PC: variants seen among roughly 807,000 people sequenced by gnomAD.
PC encodes pyruvate carboxylase, also known as pyruvate carboxylase, mitochondrial.
Under a neutral mutation model 107.8 loss-of-function variants are expected in PC, and 46 were observed. The ratio of observed to expected loss-of-function variants is 0.43; its 90% CI spans 0.34 to 0.55. The LOEUF is 0.55. PC is among the 20% of genes least tolerant of loss of function. The pLI, the probability that PC is intolerant of heterozygous loss-of-function variation, is 0.04. For missense variants in PC, 1,241 were observed against 1,643.1 expected, an observed-to-expected ratio of 0.76 and a Z score of 4.23; for synonymous variants, 662 against 684.7, an observed-to-expected ratio of 0.97 and a Z score of 0.52.
intron 3 of PC, among the ~76,000 whole-genome samples, chr11:66,890,036 T>G (rs1316196451): frequency 1.3e-5 from 2 of 152,228 alleles, no homozygotes; most frequent in Non-Finnish European, 2.9e-5. Flanking sequence ...AATGAGGGAC[T>G]GCTATTGCCT....
intron 3 of PC, among the ~76,000 whole-genome samples, chr11:66,905,057 A>G (rs1364540644): frequency 1.3e-5 from 2 of 152,266 alleles, no homozygotes; most frequent in Non-Finnish European, 2.9e-5. Context: ...CATCAGAGGT[A>G]TCAAGTGTTT....
intron 3 of PC, among the ~76,000 whole-genome samples, chr11:66,925,352 C>G (rs1258687260): frequency 6.6e-6 from 1 of 152,042 alleles, no homozygotes; most frequent in Non-Finnish European, 1.5e-5. Context: ...CGGCTGCCCC[C>G]GAAGCGGCCA....
rs762107008 is a variant in PC, at chr11:66,858,512, G to C, written c.1369-5129C>G. The C allele has an allele frequency of 9.8e-6, 15 of 1,535,620 alleles. No homozygotes were observed. The highest frequency in any genetic ancestry group is 1.7e-4 in the Middle Eastern group (1 of 5,978). On this transcript the variant is annotated intron_variant, in intron 12 of 22. Transcript: ENST00000393960. This position sits in a 1 kb window ranked among gnomAD's most constrained non-coding sequence, Gnocchi z 5.9. ...TGGCGCGGCCGGACGACCTGGAAAC[G>C]TGCGCCTCCCCGCCCGGCCTGGCCG...
chr11:66,899,768 C>T (rs915284472), intron 3 of PC, among the ~76,000 whole-genome samples: 7 of 152,312 alleles, frequency 4.6e-5, no homozygotes, highest in South Asian at 2.1e-4. Flanking sequence ...ATTCTGATGA[C>T]GTACAGTTCA....
chr11:66,863,664 G>T, intron 12 of PC, 110 bp downstream of exon 12: 1 of 1,182,342 alleles, frequency 8.5e-7, no homozygotes, highest in Non-Finnish European at 1.2e-6. Flanking sequence ...CCATCAGTCA[G>T]GGGCAAGGCT....
intron 3 of PC, among the ~76,000 whole-genome samples, chr11:66,915,230 T>C (rs1948437504): frequency 6.6e-6 from 1 of 152,126 alleles, no homozygotes; most frequent in African/African-American, 2.4e-5. Context: ...CTCTGAAACC[T>C]GCCTAAGGTT....
chr11:66,905,791 C>T (rs1948145396), intron 3 of PC, among the ~76,000 whole-genome samples: 1 of 152,044 alleles, frequency 6.6e-6, no homozygotes, highest in Non-Finnish European at 1.5e-5. Context: ...GCCCACAAGC[C>T]CAGCTCCGGC....
chr11:66,858,355 G>A lies in PC; in HGVS notation c.1369-4972C>T, dbSNP rs761099728. The stretch of plus-strand genomic sequence containing the variant: ...TCCCGCCTGGACCTCACCTCCAACC[G>A]CCTGGCCACGCTGGCTCCGGACCCG... On this transcript the variant is annotated intron_variant, in intron 12 of 22. Coordinates refer to ENST00000393960, the MANE Select transcript of PC (RefSeq NM_001040716.2). This position sits in a 1 kb window ranked among gnomAD's most constrained non-coding sequence, Gnocchi z 5.9. 6.3e-6 allele frequency: 10 copies of A among 1,597,202 alleles called. No individual in the cohort carries two copies. The highest frequency in any genetic ancestry group is 8.5e-6 in the Non-Finnish European group (10 of 1,175,480).
At chr11:66,933,723 C>T (rs1948922092) in intron 3 of PC, among the ~76,000 whole-genome samples, 6 of 152,100 alleles carry the variant, frequency 3.9e-5, no homozygotes, top group Admixed American at 3.9e-4. Context: ...CCACTTGCAT[C>T]ATTCCGGAAT....
intron 3 of PC, among the ~76,000 whole-genome samples, chr11:66,950,067 A>G (rs1949401240): frequency 6.6e-6 from 1 of 152,228 alleles, no homozygotes. Context: ...TAATATTAAT[A>G]CATTTCACAT....
chr11:66,873,521 T>TATA (rs10676576), intron 3 of PC, among the ~76,000 whole-genome samples: 81,737 of 85,198 alleles, frequency 0.96, 39,293 homozygotes, highest in Middle Eastern at 1. Context: ...TATTATATTA[T>TATA]ATATTATAAT....
At chr11:66,874,543 C>T (rs1946901232) in intron 3 of PC, among the ~76,000 whole-genome samples, 1 of 151,706 alleles carries the variant, frequency 6.6e-6, no homozygotes, top group African/African-American at 2.4e-5. Flanking sequence ...GAAATAAAGA[C>T]AGAAGAAAAA....
At chr11:66,907,175 T>A (rs1301688675) in intron 3 of PC, among the ~76,000 whole-genome samples, 1 of 152,146 alleles carries the variant, frequency 6.6e-6, no homozygotes, top group Admixed American at 6.5e-5. Flanking sequence ...CATGCAAGGG[T>A]GTTCTGGCCC....
chr11:66,941,395 T>C (rs2136132486), intron 3 of PC, among the ~76,000 whole-genome samples: 1 of 152,244 alleles, frequency 6.6e-6, no homozygotes, highest in East Asian at 1.9e-4. Context: ...CCCATATTCA[T>C]GGAAGCATTA....
At chr11:66,888,971 C>T (rs867807224) in intron 3 of PC, among the ~76,000 whole-genome samples, 4 of 152,054 alleles carry the variant, frequency 2.6e-5, no homozygotes, top group East Asian at 3.9e-4. Flanking sequence ...CTACTCAGGA[C>T]GCTGAGGCAG....
intron 3 of PC, among the ~76,000 whole-genome samples, chr11:66,941,205 T>C (rs114935652): frequency 0.025 from 3,754 of 151,676 alleles, 153 homozygotes; most frequent in African/African-American, 0.085. Flanking sequence ...AAAGTGTTGG[T>C]GAGGATGTGG....
intron 3 of PC, among the ~76,000 whole-genome samples, chr11:66,891,009 T>G (rs1947555301): frequency 6.6e-6 from 1 of 152,152 alleles, no homozygotes; most frequent in Non-Finnish European, 1.5e-5. Context: ...CTCTAGGACA[T>G]ATACCTAGAA....
At chr11:66,890,207 T>A (rs1284258162) in intron 3 of PC, among the ~76,000 whole-genome samples, 2 of 152,184 alleles carry the variant, frequency 1.3e-5, no homozygotes, top group African/African-American at 4.8e-5. Flanking sequence ...GTTTCCCCTT[T>A]GTCCGTGAGA....
intron 3 of PC, among the ~76,000 whole-genome samples, chr11:66,947,302 A>G (rs903546711): frequency 2.0e-5 from 3 of 152,056 alleles, no homozygotes; most frequent in African/African-American, 7.2e-5. Flanking sequence ...AAAAAAAAAA[A>G]GCTGGGTGCG....
Sources: gnomAD v4.1 joint callset for allele counts (sites outside exome capture counted in the v4.1 genomes callset) on GRCh38, gnomAD v4.1.1 for gene constraint, Gnocchi (gnomAD v3.1) non-coding constraint, MANE v1.5 for transcripts, NCBI Gene and HGNC (gene_info 2026-07-23, HGNC 2026-07-21) for gene names.